TPP2: variants seen among roughly 807,000 people sequenced by gnomAD.
TPP2 encodes the protein tripeptidyl peptidase 2.
In TPP2, 34 loss-of-function variants were observed where a neutral mutation model predicts 155.9. The observed-to-expected ratio is 0.22, with a 90% CI of 0.17 to 0.29. The LOEUF is 0.29. Ranked by LOEUF, TPP2 falls within the 10% of genes least tolerant of loss-of-function variation. The probability of loss-of-function intolerance (pLI) is 1.00; values close to 1 mark genes in which losing one functional copy is unlikely to be tolerated. For synonymous variants in TPP2, 510 were observed against 529.4 expected, an observed-to-expected ratio of 0.96 and a Z score of 0.50; for missense variants, 1,028 against 1,522.3, an observed-to-expected ratio of 0.68 and a Z score of 5.40.
chr13:102,663,212 A>G (rs1381053705), intron 25 of TPP2, among the ~76,000 whole-genome samples: 7 of 151,978 alleles, frequency 4.6e-5, no homozygotes, highest in African/African-American at 1.7e-4. Flanking sequence ...CAGTGGTTTG[A>G]TCTCGGCTCA....
intron 16 of TPP2, among the ~76,000 whole-genome samples, chr13:102,641,639 G>T (rs1196173805): frequency 6.6e-6 from 1 of 152,042 alleles, no homozygotes; most frequent in African/African-American, 2.4e-5. Context: ...CTGTCCATCT[G>T]TTTGTCACCT....
rs1471296809 is a variant in TPP2 at position 102,647,119 on chromosome 13, A to C, written c.2491-88A>C. On this transcript the variant is annotated intron_variant, in intron 20 of 29. Transcript: ENST00000376052. ...AGTATTTTTAATGTTTTTTAAATGA[A>C]AAAGTCTCATGTCAATAACAATATT... 7 of 1,392,836 alleles carry C rather than the reference A, an allele frequency of 5.0e-6. No individual in the cohort carries two copies. In the East Asian group the frequency reaches 1.5e-4, roughly 30 times the overall value. 86.3% of individuals were successfully genotyped at this position (1,392,836 alleles called of 1,614,324 possible).
rs111346838 is a variant in TPP2, at chr13:102,669,079, G to A, written c.3371+4154G>A. On this transcript the variant is annotated intron_variant, in intron 27 of 29. Coordinates refer to ENST00000376052, the MANE Select transcript of TPP2 (RefSeq NM_001330588.2). ...CCAGTGTTAACAATTCAGTTGAACC[G>A]CACCATACATTACTGTTTATATCTT... is the stretch of plus-strand genomic sequence containing the variant. Among the ~76,000 whole-genome samples the A allele has an allele frequency of 5.3e-5, 8 of 152,274 alleles. No individual in the cohort carries two copies. The East Asian group carries it at 5.8e-4, about 11-fold the overall frequency.
chr13:102,674,811 C>G (rs925798904), intron 28 of TPP2, among the ~76,000 whole-genome samples: 7 of 152,170 alleles, frequency 4.6e-5, no homozygotes, highest in African/African-American at 1.4e-4. Flanking sequence ...CAGGCCCACC[C>G]TTCTCTAGTT....
intron 20 of TPP2, among the ~76,000 whole-genome samples, chr13:102,646,742 G>A (rs1427425242): frequency 6.6e-6 from 1 of 152,194 alleles, no homozygotes; most frequent in Non-Finnish European, 1.5e-5. Flanking sequence ...TGCGAAGAAG[G>A]CACTGGAACA....
chr13:102,643,351 CACTG>C lies in TPP2; in HGVS notation c.2156_2159del (p.Thr719LysfsTer6). On this transcript the variant is annotated frameshift_variant, in exon 17 of 30. Coordinates refer to ENST00000376052, the MANE Select transcript of TPP2 (RefSeq NM_001330588.2). LOFTEE classifies it high-confidence loss of function. ...TTTTGTTCTCTTCCAGAGAAAGGAACACTGACTGAAGCTTTTCCTGTCCTAGTAA... is the reference window on the plus strand; with the variant it reads ...TTTTGTTCTCTTCCAGAGAAAGGAACACTGAAGCTTTTCCTGTCCTAGTAA... The C allele has an allele frequency of 6.2e-7, 1 of 1,607,940 alleles. No homozygotes were observed. Among genetic ancestry groups the C allele is most frequent in the Non-Finnish European group, 8.5e-7 (1 of 1,178,178 alleles).
intron 11 of TPP2, among the ~76,000 whole-genome samples, chr13:102,635,217 A>G (rs144075231): frequency 6.6e-6 from 1 of 152,302 alleles, no homozygotes; most frequent in African/African-American, 2.4e-5. Flanking sequence ...TGGGGTTTAT[A>G]ACATACAGTT....
intron 29 of TPP2, among the ~76,000 whole-genome samples, chr13:102,677,247 G>A (rs1483634819): frequency 1.3e-5 from 2 of 152,166 alleles, no homozygotes; most frequent in African/African-American, 4.8e-5. Context: ...GCCAGGTGTT[G>A]ATATGTCTAA....
At chr13:102,661,491 C>T (rs1157504750) in intron 25 of TPP2, among the ~76,000 whole-genome samples, 2 of 152,074 alleles carry the variant, frequency 1.3e-5, no homozygotes, top group Non-Finnish European at 2.9e-5. Flanking sequence ...AATCCTCCTG[C>T]TTCAGCTTCC....
rs766465597 is a variant in TPP2, at chr13:102,629,467, TTC to T, written c.1017-9_1017-8del. 2.7e-6 allele frequency: 4 copies of T among 1,482,686 alleles called. No individual in the cohort carries two copies. In the South Asian group the frequency reaches 6.0e-5, roughly 22 times the overall value. The allele number at this position is 1,482,686 out of a possible 1,614,324, so 91.8% of individuals were successfully genotyped here. A position where few individuals can be genotyped will look rare whatever the true frequency, so the allele number is the denominator to read the frequency against. ...GAGGCTGATTATATGTTCAAAGGAA[TTC>T]TCTCTTTTTCAGGAGAATTTGTGAA... On this transcript the variant is annotated splice_polypyrimidine_tract_variant and intron_variant, in intron 8 of 29. Coordinates refer to ENST00000376052, the MANE Select transcript of TPP2 (RefSeq NM_001330588.2).
rs1883458477 is a variant in TPP2 at position 102,651,149 on chromosome 13, A to G, written c.2953-210A>G. On this transcript the variant is annotated intron_variant, in intron 23 of 29. Coordinates refer to ENST00000376052, the MANE Select transcript of TPP2 (RefSeq NM_001330588.2). Reference sequence around the variant, plus strand: ...TAAGAAGTTGACATGTACTCTTAGTAATAACATATTTGAGTACTTTTTCTT... The same window carrying G: ...TAAGAAGTTGACATGTACTCTTAGTGATAACATATTTGAGTACTTTTTCTT... Among the ~76,000 whole-genome samples the G allele has an allele frequency of 2.6e-5, 4 of 152,368 alleles. No individual in the cohort carries two copies. In the South Asian group the frequency reaches 8.3e-4, roughly 32 times the overall value.
chr13:102,648,816 G>A, intron 21 of TPP2, 91 bp from the exon 22 acceptor site: 1 of 1,470,402 alleles, frequency 6.8e-7, no homozygotes, highest in Non-Finnish European at 9.0e-7. Context: ...GAACAAGTCT[G>A]TGAATGGTAA....
Position 102,597,037 on chromosome 13 carries a change from C to T in TPP2, c.-2C>T. On this transcript the variant is annotated 5_prime_UTR_variant, in exon 1 of 30. Transcript: ENST00000376052. ...CGCTTCCTCGTCCTCCATCCTGCGTCCATGGCCACCGCTGCGACTGAGGAG... is the reference window on the plus strand; with the variant it reads ...CGCTTCCTCGTCCTCCATCCTGCGTTCATGGCCACCGCTGCGACTGAGGAG... 1.2e-6 allele frequency: 2 copies of T among 1,611,482 alleles called. No homozygotes were observed. Among genetic ancestry groups the T allele is most frequent in the Non-Finnish European group, 1.7e-6 (2 of 1,179,346 alleles).
intron 27 of TPP2, among the ~76,000 whole-genome samples, chr13:102,666,407 C>T (rs376585969): frequency 6.6e-6 from 1 of 152,168 alleles, no homozygotes; most frequent in African/African-American, 2.4e-5. Flanking sequence ...CTTTCTGTCT[C>T]AGGGTGATCA....
chr13:102,652,248 A>C (rs1310996199), intron 24 of TPP2, among the ~76,000 whole-genome samples: 1 of 151,858 alleles, frequency 6.6e-6, no homozygotes, highest in Non-Finnish European at 1.5e-5. Context: ...GTGGTAGCAC[A>C]CACTTATAGT....
At chr13:102,613,958 A>G in intron 2 of TPP2, 143 bp from the exon 3 acceptor site, 2 of 620,748 alleles carry the variant, frequency 3.2e-6, no homozygotes, top group East Asian at 2.9e-5. Flanking sequence ...TACTTAGAGT[A>G]TTAAACACGT....
intron 7 of TPP2, among the ~76,000 whole-genome samples, chr13:102,627,618 T>C (rs1465310124): frequency 6.7e-6 from 1 of 149,796 alleles, no homozygotes; most frequent in Non-Finnish European, 1.5e-5. Context: ...TTTCTAGAAA[T>C]GCTAGTTTTT....
intron 20 of TPP2, 103 bp downstream of exon 20, chr13:102,646,493 A>G (rs937699943): frequency 1.4e-6 from 1 of 724,622 alleles, no homozygotes; most frequent in African/African-American, 1.8e-5. Context: ...GGTATATATA[A>G]AAAACAGAAT....
Position 102,601,576 on chromosome 13 carries a change from C to G in TPP2, c.166-3217C>G, listed in dbSNP as rs116994721. On this transcript the variant is annotated intron_variant, in intron 1 of 29. Coordinates refer to ENST00000376052, the MANE Select transcript of TPP2 (RefSeq NM_001330588.2). ...AGTAAGCATTTCCCAGTCTCCCACC[C>G]CAGGACCCAGGATTTAATACCGAAG... 3.7e-4 allele frequency among the ~76,000 whole-genome samples: 56 copies of G among 152,306 alleles called. 1 individual carries two copies. In the East Asian group the frequency reaches 9.8e-3, roughly 27 times the overall value.
Sources: allele counts gnomAD v4.1 joint callset (sites outside exome capture counted in the v4.1 genomes callset), GRCh38; gene constraint gnomAD v4.1.1; transcripts MANE v1.5; gene names NCBI Gene and HGNC (gene_info 2026-07-23, HGNC 2026-07-21).